The following NEK1 variants were observed in gnomAD, a reference collection of about 807,000 sequenced individuals.
The protein encoded by NEK1 is serine/threonine-protein kinase Nek1.
NEK1 carries 137 observed loss-of-function variants against 182.1 expected under a neutral mutation model. That is an observed-to-expected ratio of 0.75 (90% confidence interval 0.65 to 0.87). The LOEUF (loss-of-function observed/expected upper bound fraction) is 0.87. NEK1 is among the 40% of genes least tolerant of loss of function. The pLI, the probability that NEK1 is intolerant of heterozygous loss-of-function variation, is 0.00. For missense variants in NEK1, 1,391 were observed against 1,494.4 expected (o/e 0.93, Z 1.14); for synonymous variants, 513 against 492.2 (o/e 1.04, Z -0.56).
intron 19 of NEK1, among the ~76,000 whole-genome samples, chr4:169,522,268 TTTTAAGATAA>T (rs1200706124): frequency 3.9e-5 from 6 of 152,230 alleles, no homozygotes; most frequent in Non-Finnish European, 5.9e-5. Context: ...CTTTTTATCA[TTTTAAGATAA>T]TTTAAGATAA....
chr4:169,552,916 T>C (rs563883962), intron 18 of NEK1, among the ~76,000 whole-genome samples: 200 of 152,284 alleles, frequency 1.3e-3, no homozygotes, highest in South Asian at 8.5e-3. Context: ...TAAAAAATTC[T>C]GATGAAATAC....
At chr4:169,590,518 G>A (rs934985657) in intron 6 of NEK1, among the ~76,000 whole-genome samples, 7 of 152,062 alleles carry the variant, frequency 4.6e-5, no homozygotes, top group Middle Eastern at 3.2e-3. Context: ...TGTTCTGTAA[G>A]TTTCAGAGAC....
intron 26 of NEK1, among the ~76,000 whole-genome samples, chr4:169,475,451 A>G (rs191311435): frequency 2.6e-5 from 4 of 152,302 alleles, no homozygotes; most frequent in Non-Finnish European, 4.4e-5. Context: ...TGAATGAATC[A>G]AACTGAGTCC....
At chr4:169,599,352 C>A (rs1023593568) in intron 4 of NEK1, among the ~76,000 whole-genome samples, 155 bp from the exon 5 acceptor site, 4 of 152,138 alleles carry the variant, frequency 2.6e-5, no homozygotes, top group Non-Finnish European at 4.4e-5. Context: ...GTATACCGGT[C>A]ACAAAGATTG....
In NEK1 at chr4:169,393,166, T is replaced by C. The variant is rs1339409248; in HGVS notation, c.*1344A>G. On this transcript the variant is annotated 3_prime_UTR_variant, in exon 36 of 36. Transcript: ENST00000507142. ...ATATTGAATTCATTTTCTTCCATTA[T>C]GAAGAAAGAAATCATCAGGTACAAA... The C allele has an allele frequency of 1.3e-5, 2 of 152,196 alleles. No homozygotes were observed. The highest frequency in any genetic ancestry group is 3.8e-4 in the East Asian group (2 of 5,202). The allele number at this position is 152,196 out of a possible 1,614,324, so 9.4% of individuals were successfully genotyped here.
chr4:169,456,241 A>G (rs1742856659), intron 27 of NEK1, among the ~76,000 whole-genome samples: 1 of 152,138 alleles, frequency 6.6e-6, no homozygotes, highest in Non-Finnish European at 1.5e-5. Context: ...GTTTATAGCT[A>G]TCGGTCCCTA....
chr4:169,569,478 C>T (rs1764287950), intron 12 of NEK1, among the ~76,000 whole-genome samples: 1 of 136,094 alleles, frequency 7.3e-6, no homozygotes, highest in African/African-American at 2.8e-5. Context: ...CTCCCTCTCT[C>T]CCTCTCTCCC....
At chr4:169,548,747 C>A (rs1372979141) in intron 18 of NEK1, among the ~76,000 whole-genome samples, 1 of 152,198 alleles carries the variant, frequency 6.6e-6, no homozygotes, top group Non-Finnish European at 1.5e-5. Context: ...TTCAAACTTC[C>A]CAGTGGCTTT....
chr4:169,603,706 A>AT (rs398064265), intron 2 of NEK1, among the ~76,000 whole-genome samples: 12,245 of 129,646 alleles, frequency 0.094, 808 homozygotes, highest in African/African-American at 0.19. Context: ...TTTATTGAAC[A>AT]TTTTTTTTTT....
chr4:169,398,162 TAAG>T (rs1460242804), intron 35 of NEK1, among the ~76,000 whole-genome samples: 1 of 152,206 alleles, frequency 6.6e-6, no homozygotes, highest in Non-Finnish European at 1.5e-5. Flanking sequence ...CTCAATAAAA[TAAG>T]AAATCCACAA....
chr4:169,465,689 G>A (rs1007327261), intron 26 of NEK1, among the ~76,000 whole-genome samples: 1 of 152,046 alleles, frequency 6.6e-6, no homozygotes, highest in Non-Finnish European at 1.5e-5. Context: ...TAATTCACAA[G>A]GCACAAGGCA....
At chr4:169,406,490 C>T (rs1304946854) in intron 32 of NEK1, 106 bp downstream of exon 32, 1 of 710,944 alleles carries the variant, frequency 1.4e-6, no homozygotes, top group African/African-American at 1.9e-5. Flanking sequence ...GACATAAAAG[C>T]AGAGGTTAAT....
chr4:169,429,156 T>C (rs564509508), intron 29 of NEK1, among the ~76,000 whole-genome samples: 11 of 152,292 alleles, frequency 7.2e-5, no homozygotes, highest in Non-Finnish European at 8.8e-5. Context: ...CTTGAGTATA[T>C]GTAGATTTTG....
At chr4:169,547,588 T>A (rs910540424) in intron 18 of NEK1, among the ~76,000 whole-genome samples, 1 of 152,190 alleles carries the variant, frequency 6.6e-6, no homozygotes, top group Non-Finnish European at 1.5e-5. Flanking sequence ...GGTTTCATTC[T>A]CCCCGTCACT....
intron 19 of NEK1, among the ~76,000 whole-genome samples, chr4:169,514,323 T>C (rs192442378): frequency 3.6e-4 from 55 of 152,246 alleles, no homozygotes; most frequent in Non-Finnish European, 6.2e-4. Flanking sequence ...AAGATACTGG[T>C]CTGTAGTTTG....
At chr4:169,406,547 TA>T in intron 32 of NEK1, 48 bp downstream of exon 32, 8 of 1,395,000 alleles carry the variant, frequency 5.7e-6, no homozygotes, top group Non-Finnish European at 7.6e-6. Flanking sequence ...TTTTTACATA[TA>T]AATTCAGAAA....
At chr4:169,590,378 C>A (rs949985689) in intron 6 of NEK1, among the ~76,000 whole-genome samples, 4 of 151,280 alleles carry the variant, frequency 2.6e-5, no homozygotes, top group Non-Finnish European at 5.9e-5. Flanking sequence ...TCATAATACC[C>A]ATTTATATAA....
intron 5 of NEK1, among the ~76,000 whole-genome samples, chr4:169,594,921 T>C (rs1169298759): frequency 6.6e-6 from 1 of 152,234 alleles, no homozygotes; most frequent in Non-Finnish European, 1.5e-5. Flanking sequence ...ATCAAATCTA[T>C]GTACTCTGCC....
At chr4:169,564,470 T>C (rs1168608492) in intron 12 of NEK1, among the ~76,000 whole-genome samples, 1 of 152,128 alleles carries the variant, frequency 6.6e-6, no homozygotes, top group Non-Finnish European at 1.5e-5. Flanking sequence ...GTGCTTCAGT[T>C]TTCTAAATTA....
Sources: gnomAD v4.1 joint callset for allele counts (sites outside exome capture counted in the v4.1 genomes callset) on GRCh38, gnomAD v4.1.1 for gene constraint, MANE v1.5 for transcripts, NCBI Gene and HGNC (gene_info 2026-07-23, HGNC 2026-07-21) for gene names.